Variants in NRG1 observed in about 807,000 individuals in gnomAD.
The protein encoded by NRG1 is pro-neuregulin-1, membrane-bound isoform.
NRG1 carries 18 observed loss-of-function variants against 63.8 expected under a neutral mutation model. The ratio of observed to expected loss-of-function variants is 0.28; its 90% CI spans 0.19 to 0.42. The LOEUF (loss-of-function observed/expected upper bound fraction) is 0.42, where lower values mean the gene tolerates loss of function less well. Ranked by LOEUF, NRG1 falls within the 10% of genes least tolerant of loss-of-function variation. The pLI, the probability that NRG1 is intolerant of heterozygous loss-of-function variation, is 1.00. For synonymous variants in NRG1, 302 were observed against 301.3 expected (o/e 1.00, Z -0.02); for missense variants, 762 against 814.7 (o/e 0.94, Z 0.79).
At chr8:32,325,773 G>T (rs992679551) in intron 1 of NRG1, among the ~76,000 whole-genome samples, 3 of 152,140 alleles carry the variant, frequency 2.0e-5, no homozygotes, top group Non-Finnish European at 2.9e-5. Flanking sequence ...GTTGAATTAG[G>T]TGATATCAAA....
At chr8:32,087,304 T>G (rs1313902760) in intron 1 of NRG1, among the ~76,000 whole-genome samples, 8 of 151,922 alleles carry the variant, frequency 5.3e-5, no homozygotes. Context: ...TGTTTAAAAG[T>G]GTGTAGCACC....
intron 1 of NRG1, among the ~76,000 whole-genome samples, chr8:31,678,516 T>C (rs1292799525): frequency 1.3e-5 from 2 of 151,986 alleles, no homozygotes; most frequent in African/African-American, 4.8e-5. Flanking sequence ...TTTTCCTCTT[T>C]ACCTATTTGT....
chr8:32,417,587 A>G (rs574461933), intron 1 of NRG1, among the ~76,000 whole-genome samples: 5 of 152,298 alleles, frequency 3.3e-5, no homozygotes, highest in Non-Finnish European at 7.4e-5. Flanking sequence ...CAAAGATCTC[A>G]TAGAACATTT....
intron 1 of NRG1, among the ~76,000 whole-genome samples, chr8:32,245,965 T>G (rs541442710): frequency 6.6e-6 from 1 of 152,234 alleles, no homozygotes; most frequent in East Asian, 1.9e-4. Context: ...TACCTGTAAA[T>G]TTGGGCACCT....
At chr8:31,642,494 A>G (rs1206647588) in intron 1 of NRG1, among the ~76,000 whole-genome samples, 1 of 152,238 alleles carries the variant, frequency 6.6e-6, no homozygotes, top group Non-Finnish European at 1.5e-5. Context: ...AGTTCTTACA[A>G]GCATCCAGAG....
chr8:32,435,811 A>T (rs1229747154), intron 1 of NRG1, among the ~76,000 whole-genome samples: 1 of 152,206 alleles, frequency 6.6e-6, no homozygotes, highest in Non-Finnish European at 1.5e-5. Flanking sequence ...GTATCTTAGG[A>T]TCCTAATATA....
intron 1 of NRG1, among the ~76,000 whole-genome samples, chr8:32,052,513 C>G (rs1484467458): frequency 6.6e-6 from 1 of 151,926 alleles, no homozygotes; most frequent in Non-Finnish European, 1.5e-5. Context: ...AACTCCTGGC[C>G]TCAAGTTATC....
chr8:32,343,589 C>G (rs561833396), intron 1 of NRG1, among the ~76,000 whole-genome samples: 1 of 152,132 alleles, frequency 6.6e-6, no homozygotes, highest in Admixed American at 6.6e-5. Flanking sequence ...AGAGCCATAA[C>G]CTTGCTGGCT....
At chr8:32,728,521 CAGA>C in intron 6 of NRG1, 2 of 985,180 alleles carry the variant, frequency 2.0e-6, no homozygotes, top group African/African-American at 1.7e-5. Flanking sequence ...AGCAGAAGGG[CAGA>C]AGATTATTTA....
At chr8:31,902,068 G>A (rs1309044046) in intron 1 of NRG1, among the ~76,000 whole-genome samples, 1 of 151,888 alleles carries the variant, frequency 6.6e-6, no homozygotes, top group Non-Finnish European at 1.5e-5. Context: ...TAGAGTGTGT[G>A]GTTTAAAAAT....
intron 1 of NRG1, among the ~76,000 whole-genome samples, chr8:31,919,594 A>T (rs1833725949): frequency 6.6e-6 from 1 of 152,264 alleles, no homozygotes; most frequent in Non-Finnish European, 1.5e-5. Context: ...ACTGAAACTT[A>T]ATTAGTAATA....
intron 1 of NRG1, among the ~76,000 whole-genome samples, chr8:31,782,942 C>G (rs891164813): frequency 2.6e-5 from 4 of 152,028 alleles, no homozygotes; most frequent in Non-Finnish European, 5.9e-5. Context: ...TTATGAATGT[C>G]CAGTATCATT....
intron 5 of NRG1, among the ~76,000 whole-genome samples, chr8:32,659,773 G>A (rs1022685335): frequency 1.3e-5 from 2 of 151,964 alleles, no homozygotes; most frequent in African/African-American, 4.8e-5. Flanking sequence ...ACTAGAACTC[G>A]ACCCTGAATA....
intron 1 of NRG1, among the ~76,000 whole-genome samples, chr8:31,774,291 A>T (rs1355909120): frequency 6.6e-6 from 1 of 152,026 alleles, no homozygotes; most frequent in Admixed American, 6.6e-5. Flanking sequence ...TCACTCCCTC[A>T]TTCTTTCCTT....
chr8:32,510,955 C>CTTT (rs60629097), intron 1 of NRG1, among the ~76,000 whole-genome samples: 7 of 125,612 alleles, frequency 5.6e-5, no homozygotes, highest in Non-Finnish European at 9.8e-5. Flanking sequence ...TCTTTCTTTC[C>CTTT]TTTTTTTTTT....
At chr8:32,291,719 A>G (rs1854224804) in intron 1 of NRG1, among the ~76,000 whole-genome samples, 1 of 151,510 alleles carries the variant, frequency 6.6e-6, no homozygotes, top group African/African-American at 2.4e-5. Flanking sequence ...ATTTGTTCGT[A>G]TTTTTAGTAG....
chr8:32,394,349 C>T (rs147073781), intron 1 of NRG1, among the ~76,000 whole-genome samples: 1 of 152,312 alleles, frequency 6.6e-6, no homozygotes, highest in East Asian at 1.9e-4. Context: ...TCCAGCTCCT[C>T]AACCTCCCTT....
chr8:31,728,079 G>A (rs1274771640), intron 1 of NRG1, among the ~76,000 whole-genome samples: 1 of 152,124 alleles, frequency 6.6e-6, no homozygotes, highest in Non-Finnish European at 1.5e-5. Context: ...ATTAGGAATT[G>A]TTTACTTCTG....
intron 1 of NRG1, among the ~76,000 whole-genome samples, chr8:31,671,711 C>A (rs368644326): frequency 6.6e-6 from 1 of 151,976 alleles, no homozygotes; most frequent in Non-Finnish European, 1.5e-5. Context: ...ATGAAAGGAG[C>A]AAAGGGAACA....
Sources: allele counts gnomAD v4.1 joint callset (sites outside exome capture counted in the v4.1 genomes callset), GRCh38; gene constraint gnomAD v4.1.1; transcripts MANE v1.5; gene names NCBI Gene and HGNC (gene_info 2026-07-23, HGNC 2026-07-21).